OXR1: variants seen among roughly 807,000 people sequenced by gnomAD.
OXR1 encodes oxidation resistance 1, also known as oxidation resistance protein 1.
Under a neutral mutation model 104.6 loss-of-function variants are expected in OXR1, and 41 were observed. The observed-to-expected ratio is 0.39, with a 90% CI of 0.31 to 0.51. OXR1 has a LOEUF of 0.51. Ranked by LOEUF, OXR1 falls within the 20% of genes least tolerant of loss-of-function variation. The probability of loss-of-function intolerance (pLI) is 0.77; values close to 1 mark genes in which losing one functional copy is unlikely to be tolerated. For synonymous variants in OXR1, 348 were observed against 348.4 expected, an observed-to-expected ratio of 1.00 and a Z score of 0.01; for missense variants, 955 against 1,031.9, an observed-to-expected ratio of 0.93 and a Z score of 1.02.
At chr8:106,509,986 G>T (rs1812418776) in intron 2 of OXR1, among the ~76,000 whole-genome samples, 2 of 152,196 alleles carry the variant, frequency 1.3e-5, no homozygotes, top group South Asian at 4.1e-4. Flanking sequence ...TGGCCATGCT[G>T]GTTGCGAACT....
At chr8:106,291,832 C>G (rs932726799) in intron 1 of OXR1, among the ~76,000 whole-genome samples, 2 of 152,146 alleles carry the variant, frequency 1.3e-5, no homozygotes, top group Admixed American at 1.3e-4. Flanking sequence ...GGCAAGAGAG[C>G]ATGTGCAGGG....
chr8:106,627,922 C>A (rs1302941109), intron 3 of OXR1, among the ~76,000 whole-genome samples: 2 of 152,162 alleles, frequency 1.3e-5, no homozygotes, highest in Non-Finnish European at 2.9e-5. Context: ...TAGCAGATTT[C>A]CCATGCTTAC....
intron 3 of OXR1, among the ~76,000 whole-genome samples, chr8:106,662,255 A>C (rs1825837126): frequency 6.6e-6 from 1 of 152,246 alleles, no homozygotes; most frequent in Non-Finnish European, 1.5e-5. Flanking sequence ...ATGTGTGTGT[A>C]TATCAATAGA....
chr8:106,318,565 C>G (rs939512007), intron 1 of OXR1, among the ~76,000 whole-genome samples: 2 of 152,192 alleles, frequency 1.3e-5, no homozygotes, highest in African/African-American at 4.8e-5. Context: ...CTTTGAAATA[C>G]CCTCTTAACA....
chr8:106,455,017 G>T (rs1308364708), intron 2 of OXR1, among the ~76,000 whole-genome samples: 3 of 152,124 alleles, frequency 2.0e-5, no homozygotes, highest in African/African-American at 7.2e-5. Flanking sequence ...TACCCTTGCT[G>T]CTTGCACACA....
intron 2 of OXR1, among the ~76,000 whole-genome samples, chr8:106,360,805 T>C (rs1429069022): frequency 1.3e-5 from 2 of 152,186 alleles, no homozygotes; most frequent in Non-Finnish European, 2.9e-5. Context: ...TGGGAGACCT[T>C]GACACGTTTC....
chr8:106,359,889 C>T (rs1251352458), intron 2 of OXR1, among the ~76,000 whole-genome samples: 1 of 152,138 alleles, frequency 6.6e-6, no homozygotes, highest in Non-Finnish European at 1.5e-5. Flanking sequence ...CAATACCTTT[C>T]TTCCCAGCAC....
At chr8:106,696,395 C>T (rs1830034882) in intron 7 of OXR1, among the ~76,000 whole-genome samples, 4 of 152,170 alleles carry the variant, frequency 2.6e-5, no homozygotes. Flanking sequence ...CTTGATCACT[C>T]TTAAGTTTTG....
chr8:106,443,138 T>G (rs1819862069), intron 2 of OXR1, among the ~76,000 whole-genome samples: 1 of 152,192 alleles, frequency 6.6e-6, no homozygotes, highest in Non-Finnish European at 1.5e-5. Context: ...AGAACTTCAT[T>G]TCTGCCTTAA....
intron 3 of OXR1, among the ~76,000 whole-genome samples, chr8:106,567,114 T>TA (rs1284859835): frequency 6.6e-6 from 1 of 152,002 alleles, no homozygotes; most frequent in African/African-American, 2.4e-5. Context: ...TAAAGTATAA[T>TA]AAAAAAAGAA....
At chr8:106,328,635 G>C (rs1814580681) in intron 1 of OXR1, among the ~76,000 whole-genome samples, 1 of 152,256 alleles carries the variant, frequency 6.6e-6, no homozygotes, top group Non-Finnish European at 1.5e-5. Flanking sequence ...CTGAGATTCA[G>C]ATATTGAGAT....
chr8:106,435,237 G>C (rs1005031884), intron 2 of OXR1, among the ~76,000 whole-genome samples: 21 of 152,166 alleles, frequency 1.4e-4, no homozygotes, highest in Admixed American at 1.2e-3. Flanking sequence ...GGTGAGGTTG[G>C]CATGACAGGA....
intron 10 of OXR1, 46 bp from the exon 11 acceptor site, chr8:106,713,777 G>T: frequency 8.8e-7 from 1 of 1,138,682 alleles, no homozygotes; most frequent in Non-Finnish European, 1.2e-6. Flanking sequence ...TTTTAATTCT[G>T]GCAGCACAGA....
chr8:106,631,065 A>G (rs186799646), intron 3 of OXR1, among the ~76,000 whole-genome samples: 3 of 152,322 alleles, frequency 2.0e-5, no homozygotes, highest in African/African-American at 7.2e-5. Context: ...GAAAAGTAAG[A>G]AAGACCAACA....
At chr8:106,304,565 T>C (rs975374059) in intron 1 of OXR1, among the ~76,000 whole-genome samples, 2 of 152,182 alleles carry the variant, frequency 1.3e-5, no homozygotes, top group African/African-American at 4.8e-5. Context: ...GGTGAAATTA[T>C]TTGTAACAAT....
intron 2 of OXR1, among the ~76,000 whole-genome samples, chr8:106,511,773 C>G (rs998407649): frequency 1.1e-4 from 16 of 152,060 alleles, no homozygotes; most frequent in African/African-American, 3.9e-4. Context: ...AGGTCCTTGC[C>G]CAAGTGTAAG....
intron 15 of OXR1, among the ~76,000 whole-genome samples, chr8:106,745,059 T>C (rs539533313): frequency 6.6e-6 from 1 of 152,308 alleles, no homozygotes; most frequent in East Asian, 1.9e-4. Flanking sequence ...TGTAATAATG[T>C]AGTCAATTAA....
At chr8:106,529,787 T>C (rs930365056) in intron 3 of OXR1, among the ~76,000 whole-genome samples, 1 of 152,216 alleles carries the variant, frequency 6.6e-6, no homozygotes, top group African/African-American at 2.4e-5. Flanking sequence ...AGCTACAGCC[T>C]AATAGTCTTA....
chr8:106,362,206 T>C (rs1459996619), intron 2 of OXR1, among the ~76,000 whole-genome samples: 2 of 152,188 alleles, frequency 1.3e-5, no homozygotes, highest in Non-Finnish European at 2.9e-5. Flanking sequence ...ACTGAGCTTC[T>C]AGTCAAAACT....
Sources: gnomAD v4.1 joint callset for allele counts (sites outside exome capture counted in the v4.1 genomes callset) on GRCh38, gnomAD v4.1.1 for gene constraint, MANE v1.5 for transcripts, NCBI Gene and HGNC (gene_info 2026-07-23, HGNC 2026-07-21) for gene names.